Variants in CAMKMT observed in about 807,000 individuals in gnomAD.
CAMKMT encodes the protein calmodulin-lysine N-methyltransferase, also known as CaM KMT.
A neutral mutation model predicts 48.0 loss-of-function variants in CAMKMT; 53 were observed. The ratio of observed to expected loss-of-function variants is 1.10; its 90% CI spans 0.89 to 1.39. The LOEUF (loss-of-function observed/expected upper bound fraction) is 1.39. CAMKMT is among the 40% of genes most tolerant of loss of function. The probability of loss-of-function intolerance (pLI) is 0.00; values close to 1 mark genes in which losing one functional copy is unlikely to be tolerated. For missense variants in CAMKMT, 428 were observed against 402.7 expected (o/e 1.06, Z -0.54); for synonymous variants, 165 against 152.3 (o/e 1.08, Z -0.61).
intron 3 of CAMKMT, among the ~76,000 whole-genome samples, chr2:44,660,980 C>A (rs1674649842): frequency 6.6e-6 from 1 of 152,090 alleles, no homozygotes; most frequent in Admixed American, 6.6e-5. Context: ...ATGTATTGAA[C>A]AGGGATGATC....
intron 3 of CAMKMT, among the ~76,000 whole-genome samples, chr2:44,563,467 CT>C (rs1013586248): frequency 2.0e-5 from 3 of 150,776 alleles, no homozygotes; most frequent in African/African-American, 2.4e-5. Context: ...TCATTAGTTT[CT>C]TTTTTTTTAT....
chr2:44,523,708 A>C (rs547435732), intron 3 of CAMKMT, among the ~76,000 whole-genome samples: 1 of 149,954 alleles, frequency 6.7e-6, no homozygotes, highest in Non-Finnish European at 1.5e-5. Flanking sequence ...TATGACCTCT[A>C]TGGGGCTTGG....
intron 9 of CAMKMT, among the ~76,000 whole-genome samples, chr2:44,766,176 TTTTG>T (rs1680834199): frequency 6.6e-6 from 1 of 152,204 alleles, no homozygotes; most frequent in Non-Finnish European, 1.5e-5. Flanking sequence ...TTCAACCACA[TTTTG>T]TTTTTTATAA....
intron 3 of CAMKMT, among the ~76,000 whole-genome samples, chr2:44,629,564 A>G (rs1216819655): frequency 6.6e-6 from 1 of 150,804 alleles, no homozygotes; most frequent in African/African-American, 2.4e-5. Flanking sequence ...TTGACCTCCC[A>G]GGTAGCGGGG....
intron 3 of CAMKMT, among the ~76,000 whole-genome samples, chr2:44,540,276 C>T (rs1055675066): frequency 1.3e-5 from 2 of 152,026 alleles, no homozygotes; most frequent in African/African-American, 4.8e-5. Context: ...CAGATTTTGT[C>T]TGTGAGAACC....
intron 3 of CAMKMT, among the ~76,000 whole-genome samples, chr2:44,594,433 A>G (rs999381107): frequency 2.6e-5 from 4 of 152,236 alleles, no homozygotes; most frequent in African/African-American, 9.6e-5. Context: ...TGCAGTAACC[A>G]AAACAGCATG....
At chr2:44,680,728 A>G (rs1472358339) in intron 3 of CAMKMT, among the ~76,000 whole-genome samples, 2 of 152,214 alleles carry the variant, frequency 1.3e-5, no homozygotes, top group East Asian at 3.8e-4. Context: ...GACTCGCTGC[A>G]GGGGATAATG....
At chr2:44,568,570 G>A (rs1158100299) in intron 3 of CAMKMT, among the ~76,000 whole-genome samples, 1 of 152,152 alleles carries the variant, frequency 6.6e-6, no homozygotes, top group East Asian at 1.9e-4. Context: ...CTGACAGGTA[G>A]CAAGGAGATT....
chr2:44,443,534 A>C (rs1347033328), intron 3 of CAMKMT, among the ~76,000 whole-genome samples: 1 of 152,138 alleles, frequency 6.6e-6, no homozygotes, highest in African/African-American at 2.4e-5. Context: ...TGTAGGTTTT[A>C]CATTTAAGCT....
At chr2:44,712,188 A>C (rs149457510) in intron 6 of CAMKMT, among the ~76,000 whole-genome samples, 17 of 152,230 alleles carry the variant, frequency 1.1e-4, no homozygotes, top group African/African-American at 3.6e-4. Context: ...TTGAGAGATC[A>C]AAATGAATAG....
At chr2:44,576,474 CTT>C (rs1669228090) in intron 3 of CAMKMT, among the ~76,000 whole-genome samples, 1 of 152,044 alleles carries the variant, frequency 6.6e-6, no homozygotes, top group African/African-American at 2.4e-5. Context: ...ATTTCAATAA[CTT>C]GGGAAGCAGT....
intron 3 of CAMKMT, among the ~76,000 whole-genome samples, chr2:44,499,824 G>A (rs904490191): frequency 6.6e-6 from 1 of 152,158 alleles, no homozygotes; most frequent in African/African-American, 2.4e-5. Flanking sequence ...AGTAAAATCT[G>A]TTTTGTGATA....
intron 3 of CAMKMT, among the ~76,000 whole-genome samples, chr2:44,440,876 C>A (rs908148751): frequency 2.6e-5 from 4 of 151,932 alleles, no homozygotes; most frequent in Non-Finnish European, 4.4e-5. Flanking sequence ...TTCACAGAAT[C>A]CCTCTTTTAC....
intron 3 of CAMKMT, among the ~76,000 whole-genome samples, chr2:44,577,077 C>A (rs563416820): frequency 6.6e-6 from 1 of 152,260 alleles, no homozygotes; most frequent in East Asian, 1.9e-4. Context: ...TTAAATAATT[C>A]CCCAGGATAG....
At chr2:44,630,032 T>A (rs565697027) in intron 3 of CAMKMT, among the ~76,000 whole-genome samples, 15 of 151,594 alleles carry the variant, frequency 9.9e-5, no homozygotes, top group Admixed American at 4.6e-4. Context: ...AGCATGGTAC[T>A]GGTACCAAAA....
intron 3 of CAMKMT, among the ~76,000 whole-genome samples, chr2:44,621,719 G>A (rs13432009): frequency 0.53 from 81,199 of 152,080 alleles, 24,019 homozygotes; most frequent in Middle Eastern, 0.66. Flanking sequence ...AGAGTAACGT[G>A]TGTGGATTAT....
intron 3 of CAMKMT, among the ~76,000 whole-genome samples, chr2:44,687,001 G>T (rs1232813421): frequency 4.6e-5 from 7 of 152,188 alleles, no homozygotes; most frequent in African/African-American, 1.7e-4. Flanking sequence ...AGTGTCTAAT[G>T]GTTACTGTAA....
At chr2:44,380,866 G>T (rs1165501091) in intron 2 of CAMKMT, among the ~76,000 whole-genome samples, 1 of 151,984 alleles carries the variant, frequency 6.6e-6, no homozygotes, top group African/African-American at 2.4e-5. Context: ...GTTTCTTTAA[G>T]AAATAATGCT....
At chr2:44,597,448 C>T (rs146184142) in intron 3 of CAMKMT, among the ~76,000 whole-genome samples, 3 of 152,192 alleles carry the variant, frequency 2.0e-5, no homozygotes, top group Non-Finnish European at 4.4e-5. Flanking sequence ...GAGCATGTCA[C>T]ATTCTGAACT....
Sources: allele counts gnomAD v4.1 joint callset (sites outside exome capture counted in the v4.1 genomes callset), GRCh38; gene constraint gnomAD v4.1.1; transcripts MANE v1.5; gene names NCBI Gene and HGNC (gene_info 2026-07-23, HGNC 2026-07-21).